MMP24: variants seen among roughly 807,000 people sequenced by gnomAD.
MMP24 encodes the protein matrix metallopeptidase 24, also known as matrix metalloproteinase-24.
Under a neutral mutation model 62.8 loss-of-function variants are expected in MMP24, and 25 were observed. That is an observed-to-expected ratio of 0.40 (90% CI 0.29 to 0.56). The LOEUF (loss-of-function observed/expected upper bound fraction) is 0.56, where lower values mean the gene tolerates loss of function less well. Ranked by LOEUF, MMP24 falls within the 20% of genes least tolerant of loss-of-function variation. The pLI is 0.50. For missense variants in MMP24, 634 were observed against 853.6 expected (o/e 0.74, Z 3.21); for synonymous variants, 319 against 350.5 (o/e 0.91, Z 1.00).
intron 1 of MMP24, among the ~76,000 whole-genome samples, chr20:35,230,147 G>A (rs895263152): frequency 9.9e-5 from 15 of 151,790 alleles, no homozygotes; most frequent in Non-Finnish European, 1.6e-4. Flanking sequence ...GCACCACCAC[G>A]CCCGGTTAAT....
At chr20:35,233,515 T>A (rs2060447308) in intron 1 of MMP24, among the ~76,000 whole-genome samples, 1 of 152,180 alleles carries the variant, frequency 6.6e-6, no homozygotes, top group African/African-American at 2.4e-5. Flanking sequence ...CAATATATAT[T>A]GTTATTTTAT....
At position 35,271,958 on chromosome 20, in the gene MMP24, A is replaced by G. The variant is rs2060672716; in HGVS notation, c.1600+123A>G. The G allele has an allele frequency of 9.3e-7, 1 of 1,075,672 alleles. No individual in the cohort carries two copies. The highest frequency in any genetic ancestry group is 2.6e-5 in the East Asian group (1 of 38,560). 66.6% of individuals were successfully genotyped at this position (1,075,672 alleles called of 1,614,324 possible). A position where few individuals can be genotyped will look rare whatever the true frequency, so the allele number is the denominator to read the frequency against. ...TTGAAAAAACACCTGGTGGCAGACA[A>G]CTGCCTCATATCTACCCATGTTCAC... On this transcript the variant is annotated intron_variant, in intron 8 of 8. Coordinates refer to ENST00000246186, the MANE Select transcript of MMP24 (RefSeq NM_006690.4). The surrounding 1 kb of genome is among the most constrained non-coding windows in gnomAD (Gnocchi z 4.0).
At chr20:35,273,285 A>G (rs2060683229) in intron 8 of MMP24, among the ~76,000 whole-genome samples, 2 of 151,936 alleles carry the variant, frequency 1.3e-5, no homozygotes, top group African/African-American at 4.8e-5. Context: ...AGTCCCAGCT[A>G]CTTGGGAGGC....
At chr20:35,272,203 G>T in intron 8 of MMP24, 1 of 423,574 alleles carries the variant, frequency 2.4e-6, no homozygotes, top group Non-Finnish European at 4.2e-6. Context: ...GGGCTCGAGG[G>T]CAAGAAGATG....
rs893899011 is a variant in MMP24, at chr20:35,269,536, G to A, written c.1195-224G>A. Among the ~76,000 whole-genome samples, 1 of 152,154 alleles carries A rather than the reference G, an allele frequency of 6.6e-6. No homozygotes were observed. The highest frequency in any genetic ancestry group is 1.5e-5 in the Non-Finnish European group (1 of 68,044). On this transcript the variant is annotated intron_variant, in intron 6 of 8. Transcript: ENST00000246186. This position sits in a 1 kb window ranked among gnomAD's most constrained non-coding sequence, Gnocchi z 4.6. ...CTTTTCCACACCAGGCCTGTCTGCT[G>A]TTTGTCTCATTGTCCACCCAGCAGC...
Position 35,271,600 on chromosome 20 carries a change from G to T in MMP24, c.1365G>T (p.Thr455=). 1 of 1,612,778 alleles carries T rather than the reference G, an allele frequency of 6.2e-7. No homozygotes were observed. Among genetic ancestry groups the T allele is most frequent in the Non-Finnish European group, 8.5e-7 (1 of 1,179,482 alleles). ...AGTATTGGGTGTTTAAGGAGGTGACGGTGGAGCCTGGGTACCCCCACAGCC... is the reference window on the plus strand; with the variant it reads ...AGTATTGGGTGTTTAAGGAGGTGACTGTGGAGCCTGGGTACCCCCACAGCC... ...GDKYWVFKEV[T]VEPGYPHSLG... is the part of the protein sequence containing the mutation. The change falls in exon 8 of 9, where the codon ACG becomes ACT. Residue 455 remains threonine (T), a synonymous_variant. Transcript: ENST00000246186. The surrounding 1 kb of genome is among the most constrained non-coding windows in gnomAD (Gnocchi z 4.0).
intron 4 of MMP24, among the ~76,000 whole-genome samples, chr20:35,255,064 C>G (rs2060568145): frequency 1.3e-5 from 2 of 152,188 alleles, no homozygotes; most frequent in African/African-American, 2.4e-5. Flanking sequence ...GGCACAATGG[C>G]TCACGCCTGT....
At chr20:35,268,813 G>C (rs542973350) in intron 6 of MMP24, among the ~76,000 whole-genome samples, 2 of 151,684 alleles carry the variant, frequency 1.3e-5, no homozygotes, top group African/African-American at 2.4e-5. Flanking sequence ...GGATCATAAG[G>C]TCAGGAGATC....
chr20:35,264,492 G>A (rs1417991513), intron 5 of MMP24, among the ~76,000 whole-genome samples: 2 of 152,074 alleles, frequency 1.3e-5, no homozygotes, highest in African/African-American at 4.8e-5. Flanking sequence ...AGGAGTTTGA[G>A]ACCAGTCTGG....
rs1248761891 is a variant in MMP24, at chr20:35,226,888, G to A, written c.150G>A (p.Ala50=). 1.6e-5 allele frequency: 16 copies of A among 980,022 alleles called. No individual in the cohort carries two copies. Among genetic ancestry groups the A allele is most frequent in the Admixed American group, 6.4e-5 (1 of 15,642 alleles). The allele number at this position is 980,022 out of a possible 1,614,324, so 60.7% of individuals were successfully genotyped here. ...CGCTCTGCTGCCTCCCGGGCGCCGCGCGGGCGGCGGCGGCGGCGGCGGGGG... is the reference window on the plus strand; with the variant it reads ...CGCTCTGCTGCCTCCCGGGCGCCGCACGGGCGGCGGCGGCGGCGGCGGGGG... ...LPALCCLPGA[A]RAAAAAAGAG... Residue 50 remains alanine, a synonymous_variant, in exon 1 of 9, where the codon GCG becomes GCA. Transcript: ENST00000246186.
chr20:35,264,944 A>G (rs1014119430), intron 5 of MMP24, among the ~76,000 whole-genome samples: 5 of 152,126 alleles, frequency 3.3e-5, no homozygotes, highest in Non-Finnish European at 7.3e-5. Context: ...CGGAGCACAG[A>G]AGGAGGGCTC....
intron 7 of MMP24, among the ~76,000 whole-genome samples, chr20:35,270,221 C>T (rs1600806561): frequency 6.8e-6 from 1 of 147,090 alleles, no homozygotes; most frequent in East Asian, 2.2e-4. Context: ...CTGGGGAGGT[C>T]GGGGGAGGGT....
In MMP24 at chr20:35,269,658, G is replaced by C. The variant is rs1390777235; in HGVS notation, c.1195-102G>C. On this transcript the variant is annotated intron_variant, in intron 6 of 8. Transcript: ENST00000246186. This position sits in a 1 kb window ranked among gnomAD's most constrained non-coding sequence, Gnocchi z 4.6. ...CAGAAGCAGCTAATGGACAGTCTCG[G>C]TGGAGGGCTGGGCTGTTGGGACCTA... 5.0e-6 allele frequency: 7 copies of C among 1,389,848 alleles called. No individual in the cohort carries two copies. The Admixed American group carries it at 1.6e-4, about 33-fold the overall frequency. The allele number at this position is 1,389,848 out of a possible 1,614,324, so 86.1% of individuals were successfully genotyped here.
chr20:35,241,625 A>G (rs2060488806), intron 1 of MMP24, among the ~76,000 whole-genome samples: 1 of 152,150 alleles, frequency 6.6e-6, no homozygotes, highest in Admixed American at 6.5e-5. Context: ...TGATGTTCGT[A>G]ATGGATTTGG....
At chr20:35,228,633 G>C (rs562411004) in intron 1 of MMP24, among the ~76,000 whole-genome samples, 1 of 152,144 alleles carries the variant, frequency 6.6e-6, no homozygotes, top group South Asian at 2.1e-4. Flanking sequence ...AAGAGATAGA[G>C]CTAGACAATC....
chr20:35,268,872 A>C (rs570591360), intron 6 of MMP24, among the ~76,000 whole-genome samples: 3,174 of 152,200 alleles, frequency 0.021, 39 homozygotes, highest in Non-Finnish European at 0.029. Context: ...CTAAAAATAT[A>C]AAAAATTAGC....
chr20:35,271,082 G>A lies in MMP24; in HGVS notation c.1334-487G>A, dbSNP rs2060666372. Among the ~76,000 whole-genome samples, 1 of 152,158 alleles carries A rather than the reference G, an allele frequency of 6.6e-6. No homozygotes were observed. The highest frequency in any genetic ancestry group is 1.5e-5 in the Non-Finnish European group (1 of 68,034). ...TGAATACTGAGAGGAGAAGGAAAGA[G>A]AGGGTCAACAGTGAGGCTAGGACTC... On this transcript the variant is annotated intron_variant, in intron 7 of 8. Transcript: ENST00000246186. The surrounding 1 kb of genome is among the most constrained non-coding windows in gnomAD (Gnocchi z 4.0).
At chr20:35,245,842 T>C (rs1159460376) in intron 1 of MMP24, among the ~76,000 whole-genome samples, 3 of 152,064 alleles carry the variant, frequency 2.0e-5, no homozygotes, top group African/African-American at 7.2e-5. Flanking sequence ...TTGCAGATAT[T>C]ATGCACCCTT....
At chr20:35,245,563 C>T (rs2060510246) in intron 1 of MMP24, among the ~76,000 whole-genome samples, 1 of 151,834 alleles carries the variant, frequency 6.6e-6, no homozygotes, top group Non-Finnish European at 1.5e-5. Flanking sequence ...ATTCTCCTGC[C>T]TTAGCCTCCT....
Sources: gnomAD v4.1 joint callset for allele counts (sites outside exome capture counted in the v4.1 genomes callset) on GRCh38, gnomAD v4.1.1 for gene constraint, Gnocchi (gnomAD v3.1) non-coding constraint, MANE v1.5 for transcripts, NCBI Gene and HGNC (gene_info 2026-07-23, HGNC 2026-07-21) for gene names.